Variants in GPC6 observed in about 807,000 individuals in gnomAD.
GPC6 encodes glypican 6, also known as glypican-6.
GPC6 carries 14 observed loss-of-function variants against 55.2 expected under a neutral mutation model. The observed-to-expected ratio is 0.25, with a 90% CI of 0.17 to 0.40. The LOEUF (loss-of-function observed/expected upper bound fraction) is 0.40, where lower values mean the gene tolerates loss of function less well. GPC6 is among the 10% of genes least tolerant of loss of function. The pLI is 1.00. For missense variants in GPC6, 641 were observed against 708.5 expected (o/e 0.90, Z 1.08); for synonymous variants, 278 against 259.6 (o/e 1.07, Z -0.68).
intron 2 of GPC6, among the ~76,000 whole-genome samples, chr13:93,813,919 A>G (rs1429468133): frequency 6.6e-6 from 1 of 152,110 alleles, no homozygotes; most frequent in Non-Finnish European, 1.5e-5. Flanking sequence ...GCAGTGGTAT[A>G]TAATTATTAA....
chr13:93,820,322 T>G (rs1887000829), intron 2 of GPC6, among the ~76,000 whole-genome samples: 1 of 152,120 alleles, frequency 6.6e-6, no homozygotes, highest in South Asian at 2.1e-4. Flanking sequence ...CCTAGAACTC[T>G]TGTTTCTACT....
At chr13:93,693,455 GTATA>G (rs1283294505) in intron 2 of GPC6, among the ~76,000 whole-genome samples, 2 of 115,896 alleles carry the variant, frequency 1.7e-5, no homozygotes. Flanking sequence ...GTGTGTGTAT[GTATA>G]TCTGTGTGTG....
chr13:94,032,387 T>G (rs909415723), intron 4 of GPC6, among the ~76,000 whole-genome samples: 3 of 152,190 alleles, frequency 2.0e-5, no homozygotes, highest in African/African-American at 7.2e-5. Flanking sequence ...CTTTGTTAAG[T>G]GTAGAATAAA....
At chr13:93,731,835 T>TA (rs1883833477) in intron 2 of GPC6, among the ~76,000 whole-genome samples, 1 of 152,148 alleles carries the variant, frequency 6.6e-6, no homozygotes, top group African/African-American at 2.4e-5. Flanking sequence ...CCCTCCTTAT[T>TA]AGCCTTGAAG....
At chr13:94,009,994 C>G (rs1882178509) in intron 3 of GPC6, among the ~76,000 whole-genome samples, 1 of 152,118 alleles carries the variant, frequency 6.6e-6, no homozygotes, top group South Asian at 2.1e-4. Flanking sequence ...AGATTATAGT[C>G]TCCTCGATTC....
intron 4 of GPC6, among the ~76,000 whole-genome samples, chr13:94,186,015 G>T (rs1231339426): frequency 8.8e-6 from 1 of 113,612 alleles, no homozygotes; most frequent in Non-Finnish European, 1.6e-5. Context: ...AGCCGAGATC[G>T]CACCACTGCA....
At chr13:94,320,496 G>A (rs1262019298) in intron 6 of GPC6, among the ~76,000 whole-genome samples, 1 of 152,038 alleles carries the variant, frequency 6.6e-6, no homozygotes, top group East Asian at 1.9e-4. Flanking sequence ...TGGAAAGTCT[G>A]GGTGGCCTGT....
chr13:93,880,981 A>G (rs1874932491), intron 3 of GPC6, among the ~76,000 whole-genome samples: 1 of 151,994 alleles, frequency 6.6e-6, no homozygotes, highest in South Asian at 2.1e-4. Flanking sequence ...ATAAAAATCC[A>G]CGGCTCTCTA....
In GPC6 at chr13:93,519,613, G is replaced by A. The variant is rs572340828; in HGVS notation, c.161-25650G>A. Among the ~76,000 whole-genome samples the A allele has an allele frequency of 8.6e-5, 13 of 151,980 alleles. No individual in the cohort carries two copies. The South Asian group carries it at 2.7e-3, about 31-fold the overall frequency. ...CAGTTAAAATAAAACACTCACCAAA[G>A]CACATCTTAGCATCACAGTCAATGT... On this transcript the variant is annotated intron_variant, in intron 1 of 8. Coordinates refer to ENST00000377047, the MANE Select transcript of GPC6 (RefSeq NM_005708.5).
chr13:93,269,184 T>C (rs560890199), intron 1 of GPC6, among the ~76,000 whole-genome samples: 115 of 152,308 alleles, frequency 7.6e-4, no homozygotes, highest in Non-Finnish European at 1.2e-3. Context: ...CAATATTATT[T>C]TCAGAGTGAT....
rs570620309 is a variant in GPC6 at position 94,078,569 on chromosome 13, A to C, written c.877+50675A>C. 2.0e-5 allele frequency among the ~76,000 whole-genome samples: 3 copies of C among 152,124 alleles called. No individual in the cohort carries two copies. The East Asian group carries it at 5.8e-4, about 29-fold the overall frequency. On this transcript the variant is annotated intron_variant, in intron 4 of 8. Coordinates refer to ENST00000377047, the MANE Select transcript of GPC6 (RefSeq NM_005708.5). ...AAAAATGAAAGAAGAGACATTAAAA[A>C]TTGATGCTGCAGACATACTAAGGAT...
chr13:93,770,072 G>A (rs921091158), intron 2 of GPC6, among the ~76,000 whole-genome samples: 1 of 152,050 alleles, frequency 6.6e-6, no homozygotes, highest in African/African-American at 2.4e-5. Context: ...CCCTATTTAG[G>A]GTTGAAGATG....
At chr13:94,346,445 G>A (rs937822169) in intron 6 of GPC6, among the ~76,000 whole-genome samples, 6 of 152,132 alleles carry the variant, frequency 3.9e-5, no homozygotes, top group Non-Finnish European at 7.4e-5. Context: ...ATCACTGGCC[G>A]GGCACGGTGG....
intron 4 of GPC6, among the ~76,000 whole-genome samples, chr13:94,241,575 G>A (rs1566583172): frequency 6.6e-6 from 1 of 152,176 alleles, no homozygotes; most frequent in African/African-American, 2.4e-5. Context: ...GGTGACAGCA[G>A]GTTCTGCATT....
chr13:93,623,003 A>G (rs1380580850), intron 2 of GPC6, among the ~76,000 whole-genome samples: 1 of 152,182 alleles, frequency 6.6e-6, no homozygotes, highest in Non-Finnish European at 1.5e-5. Flanking sequence ...GAGTGACATC[A>G]TGTAGTATTT....
chr13:94,397,965 G>C (rs1880963810), intron 7 of GPC6, among the ~76,000 whole-genome samples: 1 of 152,152 alleles, frequency 6.6e-6, no homozygotes, highest in Non-Finnish European at 1.5e-5. Flanking sequence ...CACAACATCT[G>C]ATGGTTTTAT....
chr13:93,555,381 T>A (rs537892880), intron 2 of GPC6, among the ~76,000 whole-genome samples: 1 of 152,196 alleles, frequency 6.6e-6, no homozygotes. Context: ...TAATATGAAG[T>A]ATATTTAATA....
chr13:93,775,599 A>G lies in GPC6; in HGVS notation c.320-54555A>G, dbSNP rs766490659. 9.2e-5 allele frequency among the ~76,000 whole-genome samples: 14 copies of G among 152,342 alleles called. 1 individual carries two copies. Among genetic ancestry groups the G allele is most frequent in the Non-Finnish European group, 1.5e-4 (10 of 68,038 alleles). On this transcript the variant is annotated intron_variant, in intron 2 of 8. Transcript: ENST00000377047. ...AATAATAAGCACGTATATTTGGTCA[A>G]GCAAATATTACTTTGCAGTCTGTTA...
At chr13:93,366,658 A>G (rs1881260560) in intron 1 of GPC6, among the ~76,000 whole-genome samples, 1 of 152,102 alleles carries the variant, frequency 6.6e-6, no homozygotes, top group African/African-American at 2.4e-5. Context: ...GTTAGGGGAA[A>G]GAAACTCATT....
Sources: gnomAD v4.1 joint callset for allele counts (sites outside exome capture counted in the v4.1 genomes callset) on GRCh38, gnomAD v4.1.1 for gene constraint, MANE v1.5 for transcripts, NCBI Gene and HGNC (gene_info 2026-07-23, HGNC 2026-07-21) for gene names.